Variants in PEBP4 observed in about 807,000 individuals in gnomAD.
The protein encoded by PEBP4 is phosphatidylethanolamine-binding protein 4.
A neutral mutation model predicts 23.9 loss-of-function variants in PEBP4; 22 were observed. The observed-to-expected ratio is 0.92, with a 90% CI of 0.66 to 1.31. The LOEUF (loss-of-function observed/expected upper bound fraction) is 1.31. PEBP4 is among the 40% of genes most tolerant of loss of function. The pLI is 0.00. For missense variants in PEBP4, 324 were observed against 281.7 expected, an observed-to-expected ratio of 1.15 and a Z score of -1.07; for synonymous variants, 112 against 99.3, an observed-to-expected ratio of 1.13 and a Z score of -0.76.
chr8:22,817,687 C>T lies in PEBP4; in HGVS notation c.307G>A (p.Ala103Thr), dbSNP rs371787335. 9 of 1,614,102 alleles carry T rather than the reference C, an allele frequency of 5.6e-6. No individual in the cohort carries two copies. The African/African-American group carries it at 1.2e-4, about 22-fold the overall frequency. The change falls in exon 4 of 7, where the codon GCA becomes ACA. Residue 103 changes from alanine to threonine, a missense_variant. Transcript: ENST00000256404. The stretch of plus-strand genomic sequence containing the variant: ...CTCCAGAATCTCTGTCTGGGTTCTG[C>T]TCTGCTAGGGGCATCTGGATCCACC... ...VMVDPDAPSR[A>T]EPRQRFWRHW... is the part of the protein sequence containing the mutation.
intron 4 of PEBP4, among the ~76,000 whole-genome samples, chr8:22,797,100 GA>G (rs777806773): frequency 7.6e-4 from 116 of 151,662 alleles, no homozygotes; most frequent in Non-Finnish European, 1.4e-3. Context: ...TACTAAAAAT[GA>G]AAATCAGCCG....
chr8:22,758,620 T>C (rs1208805981), intron 4 of PEBP4, among the ~76,000 whole-genome samples: 2 of 152,204 alleles, frequency 1.3e-5, no homozygotes, highest in Non-Finnish European at 2.9e-5. Context: ...TCACTTGGCC[T>C]GCCCCGGAGT....
At chr8:22,733,128 C>T (rs1182481393) in intron 4 of PEBP4, among the ~76,000 whole-genome samples, 2 of 152,222 alleles carry the variant, frequency 1.3e-5, no homozygotes, top group Non-Finnish European at 2.9e-5. Flanking sequence ...CACAACATCC[C>T]ATTCAGAGGA....
chr8:22,907,587 A>T (rs1808843099), intron 3 of PEBP4, among the ~76,000 whole-genome samples: 1 of 152,138 alleles, frequency 6.6e-6, no homozygotes, highest in Admixed American at 6.6e-5. Context: ...GCCAATGAGA[A>T]GTTAGTAGTT....
At chr8:22,920,499 G>A (rs1348965228) in intron 2 of PEBP4, among the ~76,000 whole-genome samples, 189 bp from the exon 3 acceptor site, 4 of 152,152 alleles carry the variant, frequency 2.6e-5, no homozygotes, top group African/African-American at 4.8e-5. Context: ...CCTGTAAAAC[G>A]AAGACACTAA....
chr8:22,753,134 A>G (rs1805304068), intron 4 of PEBP4, among the ~76,000 whole-genome samples: 1 of 152,216 alleles, frequency 6.6e-6, no homozygotes, highest in African/African-American at 2.4e-5. Flanking sequence ...GTGCAGAGAC[A>G]GGGCTGGGTA....
chr8:22,766,822 T>G (rs1805622775), intron 4 of PEBP4, among the ~76,000 whole-genome samples: 2 of 152,238 alleles, frequency 1.3e-5, no homozygotes, highest in African/African-American at 4.8e-5. Context: ...CAGTACTTCC[T>G]GTCCACCCAG....
chr8:22,828,446 T>C (rs1322957493), intron 3 of PEBP4, among the ~76,000 whole-genome samples: 1 of 152,210 alleles, frequency 6.6e-6, no homozygotes, highest in Non-Finnish European at 1.5e-5. Context: ...GCTCTGGAAC[T>C]GCCACTGACA....
chr8:22,934,224 G>A (rs752239355), intron 1 of PEBP4, among the ~76,000 whole-genome samples: 7 of 152,052 alleles, frequency 4.6e-5, no homozygotes, highest in Non-Finnish European at 8.8e-5. Flanking sequence ...TATAGCACAG[G>A]ATTTAAAGAC....
chr8:22,817,555 A>G, intron 4 of PEBP4, 82 bp downstream of exon 4: 1 of 1,301,388 alleles, frequency 7.7e-7, no homozygotes, highest in Non-Finnish European at 1.1e-6. Context: ...ACCTTCCTGG[A>G]TGAGAGGTGG....
At chr8:22,761,209 G>A (rs910684960) in intron 4 of PEBP4, among the ~76,000 whole-genome samples, 3 of 152,128 alleles carry the variant, frequency 2.0e-5, no homozygotes, top group Non-Finnish European at 4.4e-5. Flanking sequence ...TTGCAGGTGG[G>A]CCTGCCCCGG....
At chr8:22,738,822 C>T (rs1212635439) in intron 4 of PEBP4, among the ~76,000 whole-genome samples, 1 of 152,146 alleles carries the variant, frequency 6.6e-6, no homozygotes, top group Admixed American at 6.5e-5. Context: ...CACATACATG[C>T]TCATATATCC....
At chr8:22,716,830 G>T (rs1435304439) in intron 6 of PEBP4, among the ~76,000 whole-genome samples, 1 of 152,226 alleles carries the variant, frequency 6.6e-6, no homozygotes, top group Non-Finnish European at 1.5e-5. Context: ...TCAGACCCCA[G>T]GGCCCCTTTA....
chr8:22,851,891 A>G (rs1315165465), intron 3 of PEBP4, among the ~76,000 whole-genome samples: 1 of 152,070 alleles, frequency 6.6e-6, no homozygotes, highest in Non-Finnish European at 1.5e-5. Flanking sequence ...GGCCCTGATC[A>G]TTTACTCCGA....
At chr8:22,770,705 C>A (rs1000215202) in intron 4 of PEBP4, among the ~76,000 whole-genome samples, 2 of 152,246 alleles carry the variant, frequency 1.3e-5, no homozygotes, top group African/African-American at 2.4e-5. Flanking sequence ...TATTTCTGTG[C>A]CTCCATCCCA....
At chr8:22,881,394 C>A (rs890941927) in intron 3 of PEBP4, among the ~76,000 whole-genome samples, 2 of 152,224 alleles carry the variant, frequency 1.3e-5, no homozygotes, top group African/African-American at 4.8e-5. Flanking sequence ...GCCAGAGCCC[C>A]TCAGACTCGG....
chr8:22,926,875 C>T (rs912167163), intron 2 of PEBP4, among the ~76,000 whole-genome samples: 1 of 152,318 alleles, frequency 6.6e-6, no homozygotes, highest in South Asian at 2.1e-4. Context: ...AGTGGGGTGT[C>T]CCCCTCCTCA....
At chr8:22,731,865 C>G (rs946884161) in intron 4 of PEBP4, among the ~76,000 whole-genome samples, 2 of 150,176 alleles carry the variant, frequency 1.3e-5, no homozygotes, top group African/African-American at 4.9e-5. Context: ...TTAGTAGAGA[C>G]GGGGTTTCAC....
chr8:22,840,499 C>T (rs1807303130), intron 3 of PEBP4, among the ~76,000 whole-genome samples: 1 of 151,732 alleles, frequency 6.6e-6, no homozygotes, highest in South Asian at 2.1e-4. Flanking sequence ...GCCTCGACCT[C>T]CCAGTGTGCT....
Sources: gnomAD v4.1 joint callset for allele counts (sites outside exome capture counted in the v4.1 genomes callset) on GRCh38, gnomAD v4.1.1 for gene constraint, MANE v1.5 for transcripts, NCBI Gene and HGNC (gene_info 2026-07-23, HGNC 2026-07-21) for gene names.